The following CCDC33 variants were observed in gnomAD, a reference collection of about 807,000 sequenced individuals.
CCDC33 encodes coiled-coil domain containing 33.
Under a neutral mutation model 91.9 loss-of-function variants are expected in CCDC33, and 94 were observed. The ratio of observed to expected loss-of-function variants is 1.02; its 90% confidence interval spans 0.87 to 1.21. The LOEUF is 1.21. Among genes scored for constraint, CCDC33 ranks in the 50% most tolerant of loss-of-function variants. The pLI is 0.00. For synonymous variants in CCDC33, 396 were observed against 374.5 expected (o/e 1.06, Z -0.66); for missense variants, 940 against 935.5 (o/e 1.00, Z -0.06).
chr15:74,232,041 A>G (rs967856863), upstream of CCDC33, among the ~76,000 whole-genome samples: 7 of 152,124 alleles, frequency 4.6e-5, no homozygotes, highest in African/African-American at 1.7e-4. Flanking sequence ...GACTCACAGC[A>G]ATAACTCCGG....
chr15:74,223,567 G>A (rs1417053263), intron 2 of CCDC33, among the ~76,000 whole-genome samples: 1 of 152,024 alleles, frequency 6.6e-6, no homozygotes, highest in East Asian at 1.9e-4. Flanking sequence ...ACTCGAGTTA[G>A]AGACTCTGCT....
chr15:74,234,101 T>G (rs899573519), upstream of CCDC33, among the ~76,000 whole-genome samples: 12 of 152,220 alleles, frequency 7.9e-5, no homozygotes, highest in African/African-American at 2.9e-4. Flanking sequence ...ACCCAGATTC[T>G]TCTTGCTGTC....
intron 2 of CCDC33, among the ~76,000 whole-genome samples, chr15:74,255,094 C>G (rs993206910): frequency 7.3e-6 from 1 of 136,944 alleles, no homozygotes; most frequent in Non-Finnish European, 1.6e-5. Context: ...TCCCCCTTTC[C>G]CCCCATCCTG....
At position 74,244,755 on chromosome 15, in the gene CCDC33, A is replaced by G. The variant is rs1201228071; in HGVS notation, c.185+607A>G. Among the ~76,000 whole-genome samples, 2 of 152,168 alleles carry G rather than the reference A, an allele frequency of 1.3e-5. No homozygotes were observed. Among genetic ancestry groups the G allele is most frequent in the Non-Finnish European group, 2.9e-5 (2 of 68,012 alleles). ...ACCTCACGGGTCTCACTTCTTCCAG[A>G]AAGGCGCCAAGGGGCAACACAATCT... On this transcript the variant is annotated intron_variant, in intron 2 of 18. Coordinates refer to ENST00000398814, the MANE Select transcript of CCDC33 (RefSeq NM_025055.5). The surrounding 1 kb of genome is among the most constrained non-coding windows in gnomAD (Gnocchi z 4.2).
chr15:74,271,837 G>C, intron 6 of CCDC33, 43 bp downstream of exon 6: 1 of 1,507,064 alleles, frequency 6.6e-7, no homozygotes, highest in East Asian at 2.3e-5. Flanking sequence ...GGGCAGAGCA[G>C]AGGGCAGAGG....
Position 74,333,889 on chromosome 15 carries a change from C to T in CCDC33, c.1947C>T (p.Leu649=). ...TTGTGCTTTGCCCACAGGATCTCCTCTCTGGTACTTCAGACAAGTTCAACC... is the reference window on the plus strand; with the variant it reads ...TTGTGCTTTGCCCACAGGATCTCCTTTCTGGTACTTCAGACAAGTTCAACC... The part of the protein sequence containing the change: ...ILQQQALPDL[L]SGTSDKFNLL... The change falls in exon 17 of 19, where the codon CTC becomes CTT. Residue 649 remains leucine, a synonymous_variant. Coordinates refer to ENST00000398814, the MANE Select transcript of CCDC33 (RefSeq NM_025055.5). 1 of 1,613,344 alleles carries T rather than the reference C, an allele frequency of 6.2e-7. No individual in the cohort carries two copies. Among genetic ancestry groups the T allele is most frequent in the Non-Finnish European group, 8.5e-7 (1 of 1,179,476 alleles).
chr15:74,324,146 T>G (rs981365488), intron 11 of CCDC33, among the ~76,000 whole-genome samples: 1 of 151,762 alleles, frequency 6.6e-6, no homozygotes, highest in African/African-American at 2.4e-5. Context: ...GCTTTGCTTC[T>G]TTATACTGTC....
rs1192082003 is a variant in CCDC33 at position 74,289,611 on chromosome 15, G to T, written c.1096-6143G>T. On this transcript the variant is annotated intron_variant, in intron 10 of 18. Coordinates refer to ENST00000398814, the MANE Select transcript of CCDC33 (RefSeq NM_025055.5). ...CACCTGTAGTCCTAGCTACTTGGGG[G>T]CGTTGAGGCAGGAGGATTGCTTGAA... Among the ~76,000 whole-genome samples the T allele has an allele frequency of 3.3e-5, 5 of 152,288 alleles. No homozygotes were observed. The East Asian group carries it at 9.7e-4, about 29-fold the overall frequency.
chr15:74,225,511 C>T (rs1275080055), intron 2 of CCDC33, among the ~76,000 whole-genome samples: 2 of 151,714 alleles, frequency 1.3e-5, no homozygotes, highest in African/African-American at 4.9e-5. Context: ...CCAGCATCCT[C>T]AACATGCAGA....
chr15:74,311,319 T>C (rs1010618149), intron 11 of CCDC33, among the ~76,000 whole-genome samples: 1 of 151,960 alleles, frequency 6.6e-6, no homozygotes, highest in East Asian at 1.9e-4. Context: ...TGTTCTCTCC[T>C]GGCCTGGGTG....
chr15:74,215,921 G>A (rs770608709), upstream of CCDC33, among the ~76,000 whole-genome samples: 17 of 151,452 alleles, frequency 1.1e-4, no homozygotes, highest in Non-Finnish European at 1.6e-4. Context: ...AAAAAAAGTT[G>A]GAGGGAGGGA....
chr15:74,216,113 C>T (rs1012680531), upstream of CCDC33, among the ~76,000 whole-genome samples: 4 of 152,062 alleles, frequency 2.6e-5, no homozygotes, highest in Admixed American at 1.3e-4. Flanking sequence ...TTCAAATATG[C>T]AAGGGAAGAG....
chr15:74,313,582 G>A (rs754047016), intron 11 of CCDC33, among the ~76,000 whole-genome samples: 12 of 151,900 alleles, frequency 7.9e-5, no homozygotes, highest in Non-Finnish European at 1.5e-4. Context: ...GCGATGCTCC[G>A]CTAATTTTTA....
chr15:74,336,187 C>A, downstream of CCDC33: 1 of 1,455,378 alleles, frequency 6.9e-7, no homozygotes, highest in Non-Finnish European at 9.1e-7. Flanking sequence ...GGCCCTGCTT[C>A]CTCCTCCTAG....
chr15:74,283,193 C>A (rs967842330), intron 10 of CCDC33, among the ~76,000 whole-genome samples: 1 of 152,134 alleles, frequency 6.6e-6, no homozygotes, highest in Non-Finnish European at 1.5e-5. Context: ...AGCAACAAAC[C>A]CCAAGAAAGA....
At chr15:74,278,715 G>A (rs1207189296) in intron 7 of CCDC33, among the ~76,000 whole-genome samples, 1 of 152,250 alleles carries the variant, frequency 6.6e-6, no homozygotes, top group Non-Finnish European at 1.5e-5. Flanking sequence ...CCTTCCTTCA[G>A]AGCCTTTCTC....
At chr15:74,321,170 A>G (rs1049635906) in intron 11 of CCDC33, among the ~76,000 whole-genome samples, 3 of 152,236 alleles carry the variant, frequency 2.0e-5, no homozygotes, top group African/African-American at 7.2e-5. Flanking sequence ...GGAGGAGGCC[A>G]GCATCAATTT....
In CCDC33 at chr15:74,262,518, T is replaced by C; in HGVS notation, c.264T>C (p.Pro88=). 1 of 1,613,848 alleles carries C rather than the reference T, an allele frequency of 6.2e-7. No individual in the cohort carries two copies. Among genetic ancestry groups the C allele is most frequent in the Non-Finnish European group, 8.5e-7 (1 of 1,179,910 alleles). ...TGACCTCAGAGCCCACCAGAGCCCCTATCTGGGGGGACACGGTGAATGTGG... is the reference window on the plus strand; with the variant it reads ...TGACCTCAGAGCCCACCAGAGCCCCCATCTGGGGGGACACGGTGAATGTGG... ...TSVTSEPTRA[P]IWGDTVNVEI... Residue 88 remains proline, a synonymous_variant, in exon 3 of 19, where the codon CCT becomes CCC. Transcript: ENST00000398814.
rs544540519 is a variant in CCDC33 at position 74,280,797 on chromosome 15, T to A, written c.1019T>A (p.Ile340Asn). 1 of 1,522,536 alleles carries A rather than the reference T, an allele frequency of 6.6e-7. No homozygotes were observed. The highest frequency in any genetic ancestry group is 1.3e-5 in the South Asian group (1 of 76,474). The allele number at this position is 1,522,536 out of a possible 1,614,324, so 94.3% of individuals were successfully genotyped here. A position where few individuals can be genotyped will look rare whatever the true frequency, so the allele number is the denominator to read the frequency against. Residue 340 changes from isoleucine (I) to asparagine (N), a missense_variant, in exon 9 of 19, where the codon ATC becomes AAC. Physicochemically the swap from Ile to Asn is moderately radical, Grantham distance 149 (BLOSUM62 -3). Transcript: ENST00000398814. The stretch of plus-strand genomic sequence containing the variant: ...GGGCTTCACGTGGAGCGGCTCCCCA[T>A]CATGGTGAGCCCCCTGCCCTGAACT... ...LDGLHVERLP[I>N]MDTSLKTIND... is the part of the protein sequence containing the mutation.
Sources: allele counts gnomAD v4.1 joint callset (sites outside exome capture counted in the v4.1 genomes callset), GRCh38; gene constraint gnomAD v4.1.1; non-coding constraint Gnocchi (gnomAD v3.1); transcripts MANE v1.5; gene names NCBI Gene and HGNC (gene_info 2026-07-23, HGNC 2026-07-21).